Variants in RAB8B observed in about 807,000 individuals in gnomAD.
RAB8B encodes the protein RAB8B, member RAS oncogene family.
Under a neutral mutation model 32.0 loss-of-function variants are expected in RAB8B, and 11 were observed. That is an observed-to-expected ratio of 0.34 (90% CI 0.22 to 0.57). The LOEUF (loss-of-function observed/expected upper bound fraction) is 0.57, where lower values mean the gene tolerates loss of function less well. Ranked by LOEUF, RAB8B falls within the 20% of genes least tolerant of loss-of-function variation. The pLI is 0.86. For synonymous variants in RAB8B, 103 were observed against 89.6 expected (o/e 1.15, Z -0.85); for missense variants, 190 against 258.5 (o/e 0.73, Z 1.82).
intron 1 of RAB8B, among the ~76,000 whole-genome samples, chr15:63,233,055 C>CTTTTTTTTTTTTTTTT (rs752891283): frequency 7.1e-6 from 1 of 141,516 alleles, no homozygotes; most frequent in Non-Finnish European, 1.5e-5. Flanking sequence ...AAGTAGCATT[C>CTTTTTTTTTTTTTTTT]TTTTTTTTTT....
intron 6 of RAB8B, among the ~76,000 whole-genome samples, chr15:63,262,264 C>T (rs1275191569): frequency 2.6e-5 from 4 of 151,872 alleles, no homozygotes; most frequent in African/African-American, 7.3e-5. Flanking sequence ...AGAAGTTACT[C>T]GTGACTCAAC....
intron 1 of RAB8B, among the ~76,000 whole-genome samples, chr15:63,231,639 G>C (rs1321622925): frequency 3.3e-5 from 5 of 152,090 alleles, no homozygotes; most frequent in Non-Finnish European, 7.4e-5. Flanking sequence ...TACTCGAGGG[G>C]TTTTCCTGCT....
At chr15:63,251,555 A>G (rs1208630699) in intron 3 of RAB8B, among the ~76,000 whole-genome samples, 1 of 152,212 alleles carries the variant, frequency 6.6e-6, no homozygotes, top group Non-Finnish European at 1.5e-5. Flanking sequence ...TAAATAATAC[A>G]TTTAGATTTG....
At chr15:63,241,957 C>A (rs752184121) in intron 1 of RAB8B, among the ~76,000 whole-genome samples, 6 of 151,788 alleles carry the variant, frequency 4.0e-5, no homozygotes, top group African/African-American at 1.5e-4. Context: ...CCTTTACAGA[C>A]CCTGAAATGC....
At position 63,248,008 on chromosome 15, in the gene RAB8B, C is replaced by G. The variant is rs115742685; in HGVS notation, c.186-1637C>G. 5.4e-3 allele frequency among the ~76,000 whole-genome samples: 823 copies of G among 152,320 alleles called. 9 individuals carry two copies. Among genetic ancestry groups the G allele is most frequent in the African/African-American group, 0.018 (765 of 41,570 alleles). On this transcript the variant is annotated intron_variant, in intron 2 of 7. Transcript: ENST00000321437. The surrounding 1 kb of genome is among the most constrained non-coding windows in gnomAD (Gnocchi z 4.4). The stretch of plus-strand genomic sequence containing the variant: ...ACAGATTTAAAAAATTACATCTTTT[C>G]TCATGATCCCCTCCTTGGGTTTCTC...
chr15:63,229,400 C>G (rs1017334589), intron 1 of RAB8B, among the ~76,000 whole-genome samples: 8 of 152,090 alleles, frequency 5.3e-5, no homozygotes, highest in African/African-American at 1.9e-4. Flanking sequence ...CTGATGATGA[C>G]CTGTTTAAAA....
intron 6 of RAB8B, among the ~76,000 whole-genome samples, chr15:63,262,070 A>C (rs905759861): frequency 6.6e-6 from 1 of 152,244 alleles, no homozygotes; most frequent in African/African-American, 2.4e-5. Context: ...AGCAATTTGA[A>C]AGAAAAAGCC....
At chr15:63,234,390 C>T (rs1426866361) in intron 1 of RAB8B, among the ~76,000 whole-genome samples, 6 of 152,328 alleles carry the variant, frequency 3.9e-5, no homozygotes, top group African/African-American at 1.4e-4. Flanking sequence ...ACTAATTTAA[C>T]TTTAGTGTAA....
chr15:63,232,574 A>G (rs2037944025), intron 1 of RAB8B, among the ~76,000 whole-genome samples: 1 of 152,336 alleles, frequency 6.6e-6, no homozygotes, highest in Non-Finnish European at 1.5e-5. Flanking sequence ...CTTTTTTAGC[A>G]GGAAGTGGTA....
chr15:63,261,479 A>C (rs1422086740), intron 6 of RAB8B, among the ~76,000 whole-genome samples: 1 of 152,248 alleles, frequency 6.6e-6, no homozygotes, highest in African/African-American at 2.4e-5. Flanking sequence ...TGGATAAAGA[A>C]AATGTGGTAT....
At chr15:63,262,245 G>T (rs73443293) in intron 6 of RAB8B, among the ~76,000 whole-genome samples, 85 of 152,198 alleles carry the variant, frequency 5.6e-4, no homozygotes, top group African/African-American at 1.9e-3. Flanking sequence ...CCTGTTCTTG[G>T]TGTACTGAAG....
intron 1 of RAB8B, among the ~76,000 whole-genome samples, chr15:63,227,479 A>G (rs1390662399): frequency 2.6e-5 from 4 of 152,214 alleles, no homozygotes; most frequent in Non-Finnish European, 4.4e-5. Context: ...GTACTTTTGG[A>G]TCAGGCAGAA....
intron 1 of RAB8B, among the ~76,000 whole-genome samples, chr15:63,218,703 G>A (rs2037814206): frequency 1.3e-5 from 2 of 152,186 alleles, no homozygotes; most frequent in South Asian, 2.1e-4. Context: ...CTTGGCCTTA[G>A]GCTGATAAAT....
At position 63,248,755 on chromosome 15, in the gene RAB8B, G is replaced by A. The variant is rs1431274171; in HGVS notation, c.186-890G>A. On this transcript the variant is annotated intron_variant, in intron 2 of 7. Transcript: ENST00000321437. This position sits in a 1 kb window ranked among gnomAD's most constrained non-coding sequence, Gnocchi z 4.4. ...GCTTTTTAACTTATGATATTCCCTT[G>A]GGCCTTCATCTTTTATTAGGATTTG... Among the ~76,000 whole-genome samples the A allele has an allele frequency of 6.6e-6, 1 of 151,908 alleles. No homozygotes were observed. The highest frequency in any genetic ancestry group is 2.4e-5 in the African/African-American group (1 of 41,330).
intron 6 of RAB8B, 65 bp from the exon 7 acceptor site, chr15:63,262,623 GTGTA>G (rs953342755): frequency 7.2e-3 from 1,292 of 179,042 alleles, no homozygotes; most frequent in East Asian, 0.044. Flanking sequence ...ATATATATAT[GTGTA>G]TATATATATA....
intron 1 of RAB8B, among the ~76,000 whole-genome samples, chr15:63,193,127 T>C (rs568396631): frequency 6.6e-6 from 1 of 152,152 alleles, no homozygotes; most frequent in Admixed American, 6.5e-5. Flanking sequence ...CTTGGGAGGC[T>C]GAGGCAGGAG....
At chr15:63,216,374 G>A (rs1041037415) in intron 1 of RAB8B, among the ~76,000 whole-genome samples, 8 of 151,068 alleles carry the variant, frequency 5.3e-5, no homozygotes, top group African/African-American at 1.5e-4. Context: ...GACTACAGGC[G>A]CACACCATAA....
chr15:63,237,626 A>G (rs538663645), intron 1 of RAB8B, among the ~76,000 whole-genome samples: 2 of 152,226 alleles, frequency 1.3e-5, no homozygotes, highest in South Asian at 4.1e-4. Flanking sequence ...ATATATTCTG[A>G]TTATTAATAG....
intron 1 of RAB8B, among the ~76,000 whole-genome samples, chr15:63,191,681 G>A (rs1222844360): frequency 6.6e-6 from 1 of 152,206 alleles, no homozygotes; most frequent in Admixed American, 6.5e-5. Flanking sequence ...TTGAGTGGGT[G>A]TCCTTTTGTC....
Sources: gnomAD v4.1 joint callset for allele counts (sites outside exome capture counted in the v4.1 genomes callset) on GRCh38, gnomAD v4.1.1 for gene constraint, Gnocchi (gnomAD v3.1) non-coding constraint, MANE v1.5 for transcripts, NCBI Gene and HGNC (gene_info 2026-07-23, HGNC 2026-07-21) for gene names.